VRK2: variants seen among roughly 807,000 people sequenced by gnomAD.
VRK2 encodes serine/threonine-protein kinase VRK2.
A neutral mutation model predicts 57.6 loss-of-function variants in VRK2; 60 were observed. The ratio of observed to expected loss-of-function variants is 1.04; its 90% CI spans 0.85 to 1.29. The LOEUF is 1.29. Ranked by LOEUF, VRK2 falls within the 50% of genes most tolerant of loss-of-function variation. The pLI is 0.00. For synonymous variants in VRK2, 231 were observed against 199.2 expected, an observed-to-expected ratio of 1.16 and a Z score of -1.35; for missense variants, 705 against 588.1, an observed-to-expected ratio of 1.20 and a Z score of -2.06.
chr2:57,972,691 A>G (rs543359841), intron 1 of VRK2, among the ~76,000 whole-genome samples: 1 of 152,006 alleles, frequency 6.6e-6, no homozygotes, highest in East Asian at 1.9e-4. Flanking sequence ...ATGATTAAAA[A>G]GTCAAATCTA....
intron 2 of VRK2, among the ~76,000 whole-genome samples, chr2:58,049,896 A>G (rs72810320): frequency 0.086 from 13,106 of 152,212 alleles, 610 homozygotes; most frequent in East Asian, 0.11. Flanking sequence ...GAATGAATGA[A>G]TGAATGAAGT....
At chr2:57,999,745 C>A (rs1673033933) in intron 1 of VRK2, among the ~76,000 whole-genome samples, 1 of 152,094 alleles carries the variant, frequency 6.6e-6, no homozygotes, top group African/African-American at 2.4e-5. Context: ...TTAGTTAAAG[C>A]AACAAAGTTA....
upstream of VRK2, among the ~76,000 whole-genome samples, chr2:58,041,715 G>T (rs1320011650): frequency 6.6e-6 from 1 of 152,180 alleles, no homozygotes; most frequent in Non-Finnish European, 1.5e-5. Flanking sequence ...CTAAGAATCT[G>T]GCATCTTTTT....
At chr2:58,139,502 T>C (rs1373877831) in intron 10 of VRK2, among the ~76,000 whole-genome samples, 164 bp from the exon 11 acceptor site, 1 of 152,156 alleles carries the variant, frequency 6.6e-6, no homozygotes, top group African/African-American at 2.4e-5. Context: ...TCAGTCATTT[T>C]TGAATATCAT....
chr2:58,069,432 T>C (rs1669086843), intron 2 of VRK2, among the ~76,000 whole-genome samples: 1 of 152,154 alleles, frequency 6.6e-6, no homozygotes, highest in Admixed American at 6.6e-5. Flanking sequence ...CCAAGCTCTC[T>C]CCCTCCATGG....
intron 1 of VRK2, among the ~76,000 whole-genome samples, chr2:57,984,534 CTT>C (rs1020694749): frequency 3.2e-4 from 48 of 152,192 alleles, no homozygotes; most frequent in African/African-American, 1.2e-3. Context: ...ATGGCACACA[CTT>C]TTAAAAGTTT....
chr2:58,078,510 T>C (rs1288688322), intron 2 of VRK2, among the ~76,000 whole-genome samples: 1 of 152,102 alleles, frequency 6.6e-6, no homozygotes, highest in Non-Finnish European at 1.5e-5. Flanking sequence ...TTTCAATACA[T>C]ACCCAGAAAT....
chr2:58,041,085 A>T (rs377018051), intron 3 of VRK2: 2 of 984,566 alleles, frequency 2.0e-6, no homozygotes, highest in African/African-American at 3.5e-5. Context: ...GGGAAAAAGG[A>T]TGTAGAGTGT....
chr2:58,032,806 T>C (rs946046966), intron 2 of VRK2, among the ~76,000 whole-genome samples: 34 of 152,070 alleles, frequency 2.2e-4, no homozygotes, highest in African/African-American at 9.7e-5. Flanking sequence ...GGGACATGCA[T>C]AGTTGAGATT....
chr2:58,122,247 T>C (rs887184990), intron 7 of VRK2, among the ~76,000 whole-genome samples: 1 of 152,220 alleles, frequency 6.6e-6, no homozygotes, highest in African/African-American at 2.4e-5. Context: ...ACATTAGGTT[T>C]ACAGTTGACC....
At chr2:57,977,605 A>G (rs757976227) in intron 1 of VRK2, among the ~76,000 whole-genome samples, 9 of 145,794 alleles carry the variant, frequency 6.2e-5, no homozygotes, top group Admixed American at 3.3e-4. Context: ...TTTATGTCCT[A>G]GGAGACTTTG....
chr2:57,959,900 A>G (rs1304586845), intron 1 of VRK2, among the ~76,000 whole-genome samples: 2 of 151,998 alleles, frequency 1.3e-5, no homozygotes, highest in African/African-American at 4.8e-5. Context: ...AGGTAGCCTT[A>G]GAGGGGGGTT....
At chr2:58,060,615 A>T (rs1162604476) in intron 2 of VRK2, among the ~76,000 whole-genome samples, 1 of 151,872 alleles carries the variant, frequency 6.6e-6, no homozygotes, top group African/African-American at 2.4e-5. Context: ...GATAGTTAAG[A>T]ATATCACATG....
intron 2 of VRK2, among the ~76,000 whole-genome samples, chr2:58,062,026 G>C (rs575750465): frequency 6.6e-6 from 1 of 152,060 alleles, no homozygotes; most frequent in South Asian, 2.1e-4. Context: ...ACTGAAGGTT[G>C]TGGCAACCCT....
intron 1 of VRK2, among the ~76,000 whole-genome samples, chr2:58,002,108 G>A (rs1318328442): frequency 6.6e-6 from 1 of 152,172 alleles, no homozygotes; most frequent in Non-Finnish European, 1.5e-5. Context: ...TGAGTGCTGT[G>A]AAAAATATAA....
chr2:57,978,943 G>T (rs1281050016), intron 1 of VRK2, among the ~76,000 whole-genome samples: 1 of 150,712 alleles, frequency 6.6e-6, no homozygotes, highest in Non-Finnish European at 1.5e-5. Flanking sequence ...GAAGATGATG[G>T]CTTCCAGTTT....
At chr2:57,970,040 TG>T (rs1672045652) in intron 1 of VRK2, among the ~76,000 whole-genome samples, 1 of 151,528 alleles carries the variant, frequency 6.6e-6, no homozygotes, top group African/African-American at 2.4e-5. Context: ...GGTTTGAGTA[TG>T]GGAGGGAAGA....
At chr2:58,143,164 G>A (rs1276484027) in intron 11 of VRK2, among the ~76,000 whole-genome samples, 1 of 151,912 alleles carries the variant, frequency 6.6e-6, no homozygotes, top group Non-Finnish European at 1.5e-5. Flanking sequence ...TGTATATGAG[G>A]ATAGTGAAAT....
At chr2:57,940,944 C>T (rs1445094224) in intron 1 of VRK2, among the ~76,000 whole-genome samples, 6 of 151,340 alleles carry the variant, frequency 4.0e-5, no homozygotes, top group Non-Finnish European at 8.8e-5. Context: ...TAACATTTTA[C>T]ACAATGTATT....
Sources: gnomAD v4.1 joint callset for allele counts (sites outside exome capture counted in the v4.1 genomes callset) on GRCh38, gnomAD v4.1.1 for gene constraint, MANE v1.5 for transcripts, NCBI Gene and HGNC (gene_info 2026-07-23, HGNC 2026-07-21) for gene names.